Variants in FBXO31 observed in about 807,000 individuals in gnomAD.
FBXO31 encodes F-box protein 31, also known as F-box only protein 31.
In FBXO31, 24 loss-of-function variants were observed where a neutral mutation model predicts 54.4. The ratio of observed to expected loss-of-function variants is 0.44; its 90% CI spans 0.32 to 0.62. The LOEUF (loss-of-function observed/expected upper bound fraction) is 0.62. Ranked by LOEUF, FBXO31 falls within the 20% of genes least tolerant of loss-of-function variation. The pLI, the probability that FBXO31 is intolerant of heterozygous loss-of-function variation, is 0.05. For synonymous variants in FBXO31, 388 were observed against 335.6 expected, an observed-to-expected ratio of 1.16 and a Z score of -1.71; for missense variants, 665 against 787.1, an observed-to-expected ratio of 0.84 and a Z score of 1.86.
At position 87,342,959 on chromosome 16, in the gene FBXO31, G is replaced by T. The variant is rs764657774; in HGVS notation, c.658-8C>A. On this transcript the variant is annotated splice_polypyrimidine_tract_variant and splice_region_variant and intron_variant, in intron 4 of 8. Coordinates refer to ENST00000311635, the MANE Select transcript of FBXO31 (RefSeq NM_024735.5). ...CTCATCCTTCTTCACAATCTTCAGT[G>T]TTTGCAACACAAGGAAAGAGAAGAG... 1.0e-5 allele frequency: 16 copies of T among 1,602,418 alleles called. No individual in the cohort carries two copies. In the African/African-American group the frequency reaches 2.1e-4, roughly 21 times the overall value.
Position 87,338,253 on chromosome 16 carries a change from G to A in FBXO31, c.733-1989C>T, listed in dbSNP as rs570255162. Among the ~76,000 whole-genome samples the A allele has an allele frequency of 7.2e-4, 109 of 152,038 alleles. No homozygotes were observed. The highest frequency in any genetic ancestry group is 1.3e-3 in the Non-Finnish European group (89 of 67,974). Reference sequence around the variant, plus strand: ...AGCCACAAGAAAAAAAAAAAAACAGGGAGCCCAGGACATGCACGACAACGA... The same window carrying A: ...AGCCACAAGAAAAAAAAAAAAACAGAGAGCCCAGGACATGCACGACAACGA... On this transcript the variant is annotated intron_variant, in intron 5 of 8. Coordinates refer to ENST00000311635, the MANE Select transcript of FBXO31 (RefSeq NM_024735.5). The surrounding 1 kb of genome is among the most constrained non-coding windows in gnomAD (Gnocchi z 4.3).
rs182058730 is a variant in FBXO31 at position 87,334,852 on chromosome 16, C to G, written c.996+452G>C. 1.8e-4 allele frequency among the ~76,000 whole-genome samples: 28 copies of G among 152,350 alleles called. No homozygotes were observed. The East Asian group carries it at 5.2e-3, about 28-fold the overall frequency. ...CCTGTTCACTGCTGGGCTCACCACA[C>G]AGCCCACCCTCAGGCCACTCCAAGG... On this transcript the variant is annotated intron_variant, in intron 7 of 8. Coordinates refer to ENST00000311635, the MANE Select transcript of FBXO31 (RefSeq NM_024735.5).
At chr16:87,351,582 G>A (rs1165693902) in intron 2 of FBXO31, among the ~76,000 whole-genome samples, 4 of 152,144 alleles carry the variant, frequency 2.6e-5, no homozygotes, top group Non-Finnish European at 5.9e-5. Context: ...GCAAGGGATA[G>A]GGCTGGGTGC....
At chr16:87,363,169 G>A (rs561245460) in intron 1 of FBXO31, among the ~76,000 whole-genome samples, 5 of 152,296 alleles carry the variant, frequency 3.3e-5, no homozygotes, top group Admixed American at 6.5e-5. Flanking sequence ...AAGATCACCT[G>A]AGGTTGGGAG....
In FBXO31 at chr16:87,372,790, T is replaced by C. The variant is rs912445419; in HGVS notation, c.340+10615A>G. Among the ~76,000 whole-genome samples, 3 of 149,486 alleles carry C rather than the reference T, an allele frequency of 2.0e-5. No homozygotes were observed. In the South Asian group the frequency reaches 6.4e-4, roughly 32 times the overall value. On this transcript the variant is annotated intron_variant, in intron 1 of 8. Transcript: ENST00000311635. ...CTCTGTCACCAGGGCTGGAGTGCAG[T>C]GGTGTGATCTTGGCTCACTGCAACC... is the stretch of plus-strand genomic sequence containing the variant.
At position 87,358,871 on chromosome 16, in the gene FBXO31, G is replaced by A. The variant is rs1458357766; in HGVS notation, c.412+1424C>T. Among the ~76,000 whole-genome samples, 1 of 152,140 alleles carries A rather than the reference G, an allele frequency of 6.6e-6. No individual in the cohort carries two copies. The highest frequency in any genetic ancestry group is 1.5e-5 in the Non-Finnish European group (1 of 68,012). On this transcript the variant is annotated intron_variant, in intron 2 of 8. Coordinates refer to ENST00000311635, the MANE Select transcript of FBXO31 (RefSeq NM_024735.5). The surrounding 1 kb of genome is among the most constrained non-coding windows in gnomAD (Gnocchi z 4.0). ...TGAGCATCTGGGATGACCGTCTAGA[G>A]AACACTTACCCCGGCTAACATACTC...
At chr16:87,371,559 C>G (rs1395191485) in intron 1 of FBXO31, among the ~76,000 whole-genome samples, 1 of 152,256 alleles carries the variant, frequency 6.6e-6, no homozygotes, top group African/African-American at 2.4e-5. Context: ...TCTCCATCAC[C>G]CCGGTGGCCA....
At chr16:87,365,013 AT>A (rs1906297329) in intron 1 of FBXO31, among the ~76,000 whole-genome samples, 1 of 50,492 alleles carries the variant, frequency 2.0e-5, no homozygotes, top group Non-Finnish European at 5.2e-5. Context: ...TCTCTTAAAT[AT>A]ATATATATAT....
upstream of FBXO31, among the ~76,000 whole-genome samples, chr16:87,385,479 C>T (rs1907298033): frequency 7.4e-6 from 1 of 135,014 alleles, no homozygotes; most frequent in Non-Finnish European, 1.8e-5. Flanking sequence ...AAAATGGTTT[C>T]AACTAATAAC....
Position 87,347,680 on chromosome 16 carries a change from CAAAA to C in FBXO31, c.413-434_413-431del, listed in dbSNP as rs34496343. Among the ~76,000 whole-genome samples, 74 of 59,010 alleles carry C rather than the reference CAAAA, an allele frequency of 1.3e-3. 1 individual carries two copies. The highest frequency in any genetic ancestry group is 4.2e-3 in the African/African-American group (64 of 15,156). 38.7% of individuals were successfully genotyped at this position (59,010 alleles called of 152,430 possible). ...GGGCGACAGAGGGAAACTCAGTCTC[CAAAA>C]AAAAAAAAAAAAAAAAACTATCAGA... is the stretch of plus-strand genomic sequence containing the variant. On this transcript the variant is annotated intron_variant, in intron 2 of 8. Transcript: ENST00000311635.
At chr16:87,343,355 T>C (rs981761595) in intron 4 of FBXO31, among the ~76,000 whole-genome samples, 2 of 152,224 alleles carry the variant, frequency 1.3e-5, no homozygotes, top group African/African-American at 2.4e-5. Context: ...GGAACTGAAG[T>C]TGCAAAGAAA....
intron 1 of FBXO31, among the ~76,000 whole-genome samples, chr16:87,382,296 C>T (rs1414715901): frequency 2.6e-5 from 4 of 152,204 alleles, no homozygotes; most frequent in South Asian, 4.1e-4. Context: ...GTACACACGA[C>T]TCAGAGGTTT....
chr16:87,342,870 G>C lies in FBXO31; in HGVS notation c.732+7C>G, dbSNP rs1223786125. 2 of 1,594,240 alleles carry C rather than the reference G, an allele frequency of 1.3e-6. No homozygotes were observed. The highest frequency in any genetic ancestry group is 4.5e-5 in the East Asian group (2 of 44,304). ...CATATGAACACAGGGCCGGCTGGTGGGCTCACCTCCTGCCTCCCGCCGGAC... is the reference window on the plus strand; with the variant it reads ...CATATGAACACAGGGCCGGCTGGTGCGCTCACCTCCTGCCTCCCGCCGGAC... On this transcript the variant is annotated splice_region_variant and intron_variant, in intron 5 of 8. Coordinates refer to ENST00000311635, the MANE Select transcript of FBXO31 (RefSeq NM_024735.5).
chr16:87,366,139 C>T (rs1290390505), intron 1 of FBXO31, among the ~76,000 whole-genome samples: 1 of 152,144 alleles, frequency 6.6e-6, no homozygotes, highest in African/African-American at 2.4e-5. Flanking sequence ...GCCACGGGGG[C>T]TCCCAGATGG....
upstream of FBXO31, among the ~76,000 whole-genome samples, chr16:87,391,422 G>A (rs370087182): frequency 6.6e-6 from 1 of 152,208 alleles, no homozygotes; most frequent in Non-Finnish European, 1.5e-5. Context: ...CCCATTTGGA[G>A]TCCTCAAATA....
At chr16:87,370,389 G>C (rs1906547624) in intron 1 of FBXO31, among the ~76,000 whole-genome samples, 1 of 152,254 alleles carries the variant, frequency 6.6e-6, no homozygotes, top group African/African-American at 2.4e-5. Flanking sequence ...CCTCCCAAAA[G>C]CACCACTTGA....
At chr16:87,337,320 G>C (rs1479069091) in intron 5 of FBXO31, among the ~76,000 whole-genome samples, 2 of 152,158 alleles carry the variant, frequency 1.3e-5, no homozygotes, top group African/African-American at 2.4e-5. Context: ...GCCACGTGTG[G>C]GGTCTGGGAC....
intron 2 of FBXO31, among the ~76,000 whole-genome samples, chr16:87,354,878 G>C (rs1474984808): frequency 2.0e-5 from 3 of 152,056 alleles, no homozygotes; most frequent in African/African-American, 7.2e-5. Flanking sequence ...TGAGGCAAGA[G>C]AGTCACTTGA....
upstream of FBXO31, among the ~76,000 whole-genome samples, chr16:87,384,841 C>T (rs1236674359): frequency 6.6e-6 from 1 of 152,170 alleles, no homozygotes. Context: ...GCCTGGGCAA[C>T]ACAGCGTGAC....
Sources: allele counts gnomAD v4.1 joint callset (sites outside exome capture counted in the v4.1 genomes callset), GRCh38; gene constraint gnomAD v4.1.1; non-coding constraint Gnocchi (gnomAD v3.1); transcripts MANE v1.5; gene names NCBI Gene and HGNC (gene_info 2026-07-23, HGNC 2026-07-21).